The following SHROOM2 variants were observed in gnomAD, a reference collection of about 807,000 sequenced individuals.
SHROOM2 encodes the protein shroom family member 2, also known as protein Shroom2.
Under a neutral mutation model 75.9 loss-of-function variants are expected in SHROOM2, and 33 were observed. That is an observed-to-expected ratio of 0.43 (90% CI 0.33 to 0.58). The LOEUF is 0.58. Ranked by LOEUF, SHROOM2 falls within the 20% of genes least tolerant of loss-of-function variation. The pLI is 0.04. For synonymous variants in SHROOM2, 655 were observed against 663.6 expected (o/e 0.99, Z 0.20); for missense variants, 1,434 against 1,461.2 (o/e 0.98, Z 0.30).
intron 1 of SHROOM2, among the ~76,000 whole-genome samples, chrX:9,809,249 C>G (rs1489003192): frequency 9.0e-6 from 1 of 111,314 alleles, no homozygotes; most frequent in East Asian, 2.8e-4. Flanking sequence ...ACTGAAGAAC[C>G]TGGAGTCTGA....
At chrX:9,790,669 G>A (rs1017667774) in intron 1 of SHROOM2, among the ~76,000 whole-genome samples, 5 of 111,779 alleles carry the variant, frequency 4.5e-5, no homozygotes, top group African/African-American at 1.6e-4. Context: ...ATTAGGATAA[G>A]TGTCATTATA....
intron 1 of SHROOM2, among the ~76,000 whole-genome samples, chrX:9,787,537 G>A (rs1006219200): frequency 8.9e-6 from 1 of 112,408 alleles, no homozygotes; most frequent in Non-Finnish European, 1.9e-5. Context: ...CTTTCGTGTG[G>A]ACGAAGTTCC....
intron 2 of SHROOM2, among the ~76,000 whole-genome samples, chrX:9,882,628 T>TGGAA (rs1202935739): frequency 1.9e-4 from 21 of 111,980 alleles, no homozygotes; most frequent in Admixed American, 7.6e-4. Context: ...GTGGCTTCTG[T>TGGAA]GGCATTCCTC....
At chrX:9,892,717 G>A (rs1285221664) in intron 3 of SHROOM2, among the ~76,000 whole-genome samples, 1 of 111,729 alleles carries the variant, frequency 9.0e-6, no homozygotes, top group African/African-American at 3.3e-5. Context: ...CAGAAGATGG[G>A]TGGGAAACCC....
Position 9,932,514 on chromosome X carries a change from C to G in SHROOM2, c.3231C>G (p.Ala1077=). 1 of 1,210,502 alleles carries G rather than the reference C, an allele frequency of 8.3e-7. No individual in the cohort carries two copies. The highest frequency in any genetic ancestry group is 1.1e-6 in the Non-Finnish European group (1 of 894,907). ...PPKREPRRYR[A]TDGAPADAPV... The stretch of plus-strand genomic sequence containing the variant: ...AGCGCGAGCCCAGGAGATACAGGGC[C>G]ACAGACGGCGCACCTGCTGACGCCC... Residue 1077 remains alanine, a synonymous_variant, in exon 6 of 10, where the codon GCC becomes GCG. Transcript: ENST00000380913.
At chrX:9,792,159 T>TAAAATAGAATGAAAAAAGAAAAGAA (rs1240744489) in intron 1 of SHROOM2, among the ~76,000 whole-genome samples, 1 of 7,413 alleles carries the variant, frequency 1.3e-4, no homozygotes, top group African/African-American at 3.3e-4. Flanking sequence ...TAGAATAGAA[T>TAAAATAGAATGAAAAAAGAAAAGAA]AATCACCAGT....
chrX:9,853,398 G>A (rs1278684987), intron 1 of SHROOM2, among the ~76,000 whole-genome samples: 1 of 112,457 alleles, frequency 8.9e-6, no homozygotes. Context: ...CTAGCACAAA[G>A]CTTAAAGCAA....
rs907815027 is a variant in SHROOM2, at chrX:9,895,051, A to T, written c.1143A>T (p.Gly381=). 6.6e-6 allele frequency: 8 copies of T among 1,205,729 alleles called. No individual in the cohort carries two copies. The highest frequency in any genetic ancestry group is 2.3e-4 in the Middle Eastern group (1 of 4,358). ...RSAHPGSLGK[G]SGGPGCPQEA... is the part of the protein sequence containing the mutation. ...CACACCCGGGGAGCCTCGGGAAGGG[A>T]TCGGGAGGCCCGGGCTGCCCACAGG... Residue 381 remains glycine, a synonymous_variant, in exon 4 of 10, where the codon GGA becomes GGT. Transcript: ENST00000380913.
At chrX:9,819,580 G>T in intron 1 of SHROOM2, 1 of 154,728 alleles carries the variant, frequency 6.5e-6, no homozygotes, top group Non-Finnish European at 1.2e-5. Context: ...AAAAGTTCTC[G>T]GTCTCTAATG....
chrX:9,899,324 C>A (rs1341245114), intron 5 of SHROOM2, among the ~76,000 whole-genome samples: 3 of 109,945 alleles, frequency 2.7e-5, no homozygotes, highest in Non-Finnish European at 5.7e-5. Flanking sequence ...AGAGAGTGTG[C>A]GTCTCTACAG....
chrX:9,939,149 T>G (rs1034197017), intron 7 of SHROOM2, 46 bp from the exon 8 acceptor site: 16 of 1,111,622 alleles, frequency 1.4e-5, no homozygotes, highest in Non-Finnish European at 1.9e-5. Context: ...AGGGGCTGTT[T>G]GCGTGCACAG....
chrX:9,884,567 T>TAATAGCTCA (rs1345151140), intron 2 of SHROOM2, among the ~76,000 whole-genome samples: 4 of 106,666 alleles, frequency 3.8e-5, no homozygotes, highest in African/African-American at 1.4e-4. Context: ...AGTGGTGCAA[T>TAATAGCTCA]AATAGCTCGC....
Position 9,946,998 on chromosome X carries a change from G to C in SHROOM2, c.*61G>C. The C allele has an allele frequency of 1.9e-6, 2 of 1,075,807 alleles. No homozygotes were observed. Among genetic ancestry groups the C allele is most frequent in the Admixed American group, 6.0e-5 (2 of 33,243 alleles). The allele number at this position is 1,075,807 out of a possible 1,213,427, so 88.7% of individuals were successfully genotyped here. ...TCCGAGCTCCAGCTCCGTTCCCAAG[G>C]ATACTCGTGAAGACCCCATCTGTGT... is the stretch of plus-strand genomic sequence containing the variant. On this transcript the variant is annotated 3_prime_UTR_variant, in exon 10 of 10. Coordinates refer to ENST00000380913, the MANE Select transcript of SHROOM2 (RefSeq NM_001649.4).
intron 5 of SHROOM2, among the ~76,000 whole-genome samples, chrX:9,913,949 G>A (rs1429098787): frequency 1.6e-4 from 18 of 111,171 alleles, no homozygotes; most frequent in South Asian, 1.1e-3. Flanking sequence ...ATTTTATTGC[G>A]GAAAAGCATT....
chrX:9,864,742 G>A (rs1601952895), intron 1 of SHROOM2, among the ~76,000 whole-genome samples: 2 of 107,513 alleles, frequency 1.9e-5, no homozygotes, highest in African/African-American at 3.3e-5. Context: ...GGAGAATGGC[G>A]TGAACCCGGG....
rs946674057 is a variant in SHROOM2, at chrX:9,928,229, C to T, written c.2892-3946C>T. Among the ~76,000 whole-genome samples, 3 of 112,331 alleles carry T rather than the reference C, an allele frequency of 2.7e-5. No individual in the cohort carries two copies. The Admixed American group carries it at 2.8e-4, about 11-fold the overall frequency. On this transcript the variant is annotated intron_variant, in intron 5 of 9. Coordinates refer to ENST00000380913, the MANE Select transcript of SHROOM2 (RefSeq NM_001649.4). Reference sequence around the variant, plus strand: ...TCTCTGAAGCCACTGCTGCTTGGAGCCTGCCGGCCCTCTCCCCTCTGGGAA... The same window carrying T: ...TCTCTGAAGCCACTGCTGCTTGGAGTCTGCCGGCCCTCTCCCCTCTGGGAA...
chrX:9,845,676 C>T lies in SHROOM2; in HGVS notation c.166-27976C>T, dbSNP rs569232840. ...CACACCAGCCCACACTGGCTCCCGT[C>T]ACCCTCCTTTCTGTCCGTCTCTGCT... On this transcript the variant is annotated intron_variant, in intron 1 of 9. Coordinates refer to ENST00000380913, the MANE Select transcript of SHROOM2 (RefSeq NM_001649.4). 9.2e-4 allele frequency among the ~76,000 whole-genome samples: 102 copies of T among 110,686 alleles called. 2 individuals carry two copies. In the South Asian group the frequency reaches 0.037, roughly 40 times the overall value.
chrX:9,804,065 C>T (rs980205893), intron 1 of SHROOM2, among the ~76,000 whole-genome samples: 2 of 111,707 alleles, frequency 1.8e-5, no homozygotes, highest in East Asian at 5.6e-4. Context: ...TTAACTAGAT[C>T]GTGCCCGGGT....
rs2083614613 is a variant in SHROOM2 at position 9,786,623 on chromosome X, G to A, written c.78G>A (p.Leu26=). The change falls in exon 1 of 10, where the codon CTG becomes CTA. Residue 26 remains leucine (L), a synonymous_variant. Coordinates refer to ENST00000380913, the MANE Select transcript of SHROOM2 (RefSeq NM_001649.4). ...AETRAADGGR[L]VEVQLSGGAP... ...CGCGGGCGGCGGACGGCGGGCGCCT[G>A]GTGGAGGTGCAGCTGAGCGGCGGCG... is the stretch of plus-strand genomic sequence containing the variant. 3.4e-6 allele frequency: 3 copies of A among 881,217 alleles called. No homozygotes were observed. The highest frequency in any genetic ancestry group is 2.1e-5 in the African/African-American group (1 of 46,814). The allele number at this position is 881,217 out of a possible 1,213,427, so 72.6% of individuals were successfully genotyped here.
Sources: gnomAD v4.1 joint callset for allele counts (sites outside exome capture counted in the v4.1 genomes callset) on GRCh38, gnomAD v4.1.1 for gene constraint, MANE v1.5 for transcripts, NCBI Gene and HGNC (gene_info 2026-07-23, HGNC 2026-07-21) for gene names.